Variants in CSMD3 observed in about 807,000 individuals in gnomAD.
CSMD3 encodes CUB and sushi domain-containing protein 3.
A neutral mutation model predicts 435.2 loss-of-function variants in CSMD3; 177 were observed. The ratio of observed to expected loss-of-function variants is 0.41; its 90% CI spans 0.36 to 0.46. The LOEUF is 0.46. CSMD3 is among the 20% of genes least tolerant of loss of function. The pLI is 0.34. For synonymous variants in CSMD3, 1,656 were observed against 1,520.5 expected (o/e 1.09, Z -2.07); for missense variants, 4,265 against 4,504.6 (o/e 0.95, Z 1.52).
chr8:113,196,116 A>G (rs2092652616), intron 3 of CSMD3, among the ~76,000 whole-genome samples: 1 of 151,010 alleles, frequency 6.6e-6, no homozygotes, highest in Non-Finnish European at 1.5e-5. Flanking sequence ...CTTGCATGAT[A>G]GCTTCTTTTT....
At chr8:113,334,282 T>TTG (rs2094052035) in intron 1 of CSMD3, among the ~76,000 whole-genome samples, 1 of 91,496 alleles carries the variant, frequency 1.1e-5, no homozygotes, top group Non-Finnish European at 2.7e-5. Flanking sequence ...TTTAAGTTTT[T>TTG]TTTTTTTTTT....
intron 6 of CSMD3, chr8:113,018,787 T>C (rs1174698443): frequency 1.2e-5 from 5 of 404,024 alleles, no homozygotes; most frequent in African/African-American, 1.0e-4. Flanking sequence ...TATATCCAAT[T>C]GCTGAAGCAC....
At chr8:112,869,512 C>A (rs2081072959) in intron 10 of CSMD3, among the ~76,000 whole-genome samples, 1 of 152,080 alleles carries the variant, frequency 6.6e-6, no homozygotes, top group Non-Finnish European at 1.5e-5. Flanking sequence ...TACCATTTGA[C>A]CCAGCCATCC....
chr8:113,400,362 T>C (rs956311288), intron 1 of CSMD3, among the ~76,000 whole-genome samples: 5 of 151,930 alleles, frequency 3.3e-5, no homozygotes, highest in African/African-American at 1.2e-4. Flanking sequence ...CCATCCCTCG[T>C]GGCTAATACT....
rs188225107 is a variant in CSMD3, at chr8:112,938,657, A to G, written c.1508+9133T>C. ...AATGGTAGTTTTTACTTTTACATTG[A>G]TTTTTTAAAATACACACCACACGAC... On this transcript the variant is annotated intron_variant, in intron 9 of 70. Transcript: ENST00000297405. Among the ~76,000 whole-genome samples, 496 of 152,254 alleles carry G rather than the reference A, an allele frequency of 3.3e-3. 3 individuals carry two copies. The highest frequency in any genetic ancestry group is 0.01 in the African/African-American group (432 of 41,554).
At chr8:112,371,880 ACT>A (rs1448677586) in intron 38 of CSMD3, among the ~76,000 whole-genome samples, 2 of 151,900 alleles carry the variant, frequency 1.3e-5, no homozygotes, top group Non-Finnish European at 2.9e-5. Context: ...ACAGAGTGAG[ACT>A]CTGTCTCAAA....
At chr8:113,114,364 A>G (rs2090759059) in intron 4 of CSMD3, among the ~76,000 whole-genome samples, 1 of 152,164 alleles carries the variant, frequency 6.6e-6, no homozygotes, top group African/African-American at 2.4e-5. Flanking sequence ...TTTCTGAGGA[A>G]TTTGAAAAGG....
chr8:112,776,914 T>C (rs1412694212), intron 13 of CSMD3, among the ~76,000 whole-genome samples: 2 of 151,798 alleles, frequency 1.3e-5, no homozygotes, highest in East Asian at 1.9e-4. Context: ...TCTCATCATA[T>C]ATTTTTATTG....
intron 9 of CSMD3, 72 bp downstream of exon 9, chr8:112,947,718 G>C (rs1355364572): frequency 1.4e-6 from 1 of 719,826 alleles, no homozygotes; most frequent in African/African-American, 1.8e-5. Flanking sequence ...TATATTATTA[G>C]CTACTTTAAA....
At chr8:112,368,432 T>C (rs1175848116) in intron 38 of CSMD3, among the ~76,000 whole-genome samples, 1 of 152,198 alleles carries the variant, frequency 6.6e-6, no homozygotes, top group African/African-American at 2.4e-5. Context: ...TTCAAGATGA[T>C]TGCAATGCAC....
At chr8:112,292,431 G>T (rs1433042692) in intron 55 of CSMD3, 106 bp downstream of exon 55, 1 of 1,087,546 alleles carries the variant, frequency 9.2e-7, no homozygotes, top group South Asian at 1.3e-5. Context: ...TGTTTTATTA[G>T]ATAAAAACTT....
chr8:112,884,073 C>T (rs183147865), intron 10 of CSMD3, among the ~76,000 whole-genome samples: 1 of 151,950 alleles, frequency 6.6e-6, no homozygotes, highest in Non-Finnish European at 1.5e-5. Context: ...CTGTAGTTAA[C>T]ATCTTAAAAG....
intron 38 of CSMD3, among the ~76,000 whole-genome samples, chr8:112,360,679 T>G (rs529312116): frequency 3.3e-5 from 5 of 152,048 alleles, no homozygotes; most frequent in Non-Finnish European, 7.4e-5. Context: ...AAATAACTTA[T>G]AACCTAGATG....
At chr8:112,579,633 C>T (rs1446271067) in intron 23 of CSMD3, among the ~76,000 whole-genome samples, 2 of 151,970 alleles carry the variant, frequency 1.3e-5, no homozygotes, top group South Asian at 4.2e-4. Flanking sequence ...TGGCTATGTT[C>T]AACAATCAGC....
At chr8:112,467,713 G>T (rs910248150) in intron 32 of CSMD3, among the ~76,000 whole-genome samples, 1 of 152,100 alleles carries the variant, frequency 6.6e-6, no homozygotes, top group Non-Finnish European at 1.5e-5. Flanking sequence ...CATTATAAGA[G>T]CAAGAAAAAA....
At chr8:113,354,065 C>T (rs1243037609) in intron 1 of CSMD3, among the ~76,000 whole-genome samples, 1 of 152,084 alleles carries the variant, frequency 6.6e-6, no homozygotes, top group Admixed American at 6.6e-5. Flanking sequence ...ATTCTTTGCA[C>T]TTAGGTGAAT....
At chr8:112,976,495 A>G (rs192123908) in intron 6 of CSMD3, among the ~76,000 whole-genome samples, 172 of 152,248 alleles carry the variant, frequency 1.1e-3, no homozygotes, top group African/African-American at 4.0e-3. Flanking sequence ...TCAGGTTTTG[A>G]TGGAATGGGT....
intron 59 of CSMD3, among the ~76,000 whole-genome samples, chr8:112,275,699 T>C (rs1227117004): frequency 6.6e-6 from 1 of 152,176 alleles, no homozygotes; most frequent in Non-Finnish European, 1.5e-5. Context: ...AAACCTCTTA[T>C]AAAATCATCA....
At chr8:113,046,570 T>C (rs919630255) in intron 5 of CSMD3, among the ~76,000 whole-genome samples, 1 of 152,170 alleles carries the variant, frequency 6.6e-6, no homozygotes, top group African/African-American at 2.4e-5. Context: ...CTGCCCCTAC[T>C]GTCAAGGCCT....
Sources: allele counts gnomAD v4.1 joint callset (sites outside exome capture counted in the v4.1 genomes callset), GRCh38; gene constraint gnomAD v4.1.1; transcripts MANE v1.5; gene names NCBI Gene and HGNC (gene_info 2026-07-23, HGNC 2026-07-21).